Variants in VIT observed in about 807,000 individuals in gnomAD.
VIT encodes the protein vitrin.
VIT carries 99 observed loss-of-function variants against 78.0 expected under a neutral mutation model. The ratio of observed to expected loss-of-function variants is 1.27; its 90% CI spans 1.08 to 1.50. The LOEUF (loss-of-function observed/expected upper bound fraction) is 1.50. Among genes scored for constraint, VIT ranks in the 40% most tolerant of loss-of-function variants. VIT has a pLI of 0.00. For synonymous variants in VIT, 374 were observed against 334.3 expected (o/e 1.12, Z -1.29); for missense variants, 1,126 against 875.3 (o/e 1.29, Z -3.61).
At chr2:36,735,020 C>T (rs778523075) in intron 3 of VIT, among the ~76,000 whole-genome samples, 92 of 152,060 alleles carry the variant, frequency 6.1e-4, no homozygotes, top group Non-Finnish European at 7.8e-4. Flanking sequence ...AAAAATTTGC[C>T]GGGCGTGGTG....
intron 3 of VIT, among the ~76,000 whole-genome samples, chr2:36,739,864 T>C (rs891609892): frequency 2.6e-5 from 4 of 152,284 alleles, no homozygotes; most frequent in East Asian, 1.9e-4. Context: ...GTGTGGACTT[T>C]CCCTCACGGA....
Position 36,745,568 on chromosome 2 carries a change from G to C in VIT, c.275+2312G>C, listed in dbSNP as rs1668087179. Among the ~76,000 whole-genome samples the C allele has an allele frequency of 2.0e-5, 3 of 152,106 alleles. No individual in the cohort carries two copies. In the South Asian group the frequency reaches 6.2e-4, roughly 32 times the overall value. ...TATTCCAAAGCATTTTCTTCTTCTT[G>C]TGGCTACTGTAAATGGGATTGTGTT... On this transcript the variant is annotated intron_variant, in intron 4 of 15. Coordinates refer to ENST00000379242, the MANE Select transcript of VIT (RefSeq NM_053276.4).
intron 2 of VIT, among the ~76,000 whole-genome samples, chr2:36,719,169 A>C (rs2148457240): frequency 6.6e-6 from 1 of 152,316 alleles, no homozygotes; most frequent in Admixed American, 6.5e-5. Flanking sequence ...TCAAAGTAGA[A>C]AAAGGAGACT....
intron 11 of VIT, among the ~76,000 whole-genome samples, chr2:36,786,016 C>G (rs749881550): frequency 6.6e-6 from 1 of 152,200 alleles, no homozygotes; most frequent in African/African-American, 2.4e-5. Context: ...GACTCCAGCT[C>G]TGTGGCAACA....
chr2:36,774,900 A>G lies in VIT; in HGVS notation c.737-102A>G, dbSNP rs150924138. On this transcript the variant is annotated intron_variant, in intron 8 of 15. Coordinates refer to ENST00000379242, the MANE Select transcript of VIT (RefSeq NM_053276.4). ...GCACAGAGAGCTCGGCCGACTTCCA[A>G]GGAAAATCTGAACTAAGGTAATTTT... is the stretch of plus-strand genomic sequence containing the variant. 10,324 of 1,554,972 alleles carry G rather than the reference A, an allele frequency of 6.6e-3. 57 individuals are homozygous for G. The highest frequency in any genetic ancestry group is 7.8e-3 in the Non-Finnish European group (8,893 of 1,146,872).
chr2:36,724,928 T>G (rs545504416), intron 2 of VIT, among the ~76,000 whole-genome samples: 245 of 152,372 alleles, frequency 1.6e-3, no homozygotes, highest in Middle Eastern at 3.4e-3. Context: ...TATGTATGTA[T>G]TTAGTGCTTG....
At chr2:36,700,042 A>G (rs1199975733) in intron 1 of VIT, among the ~76,000 whole-genome samples, 2 of 152,164 alleles carry the variant, frequency 1.3e-5, no homozygotes, top group Non-Finnish European at 2.9e-5. Context: ...ATATGTGACT[A>G]TAATAAAGAA....
intron 9 of VIT, among the ~76,000 whole-genome samples, chr2:36,778,069 A>AC (rs1231101278): frequency 2.6e-5 from 4 of 151,740 alleles, no homozygotes; most frequent in South Asian, 4.2e-4. Context: ...AAATTCATGC[A>AC]CCCCCCATTT....
At chr2:36,810,939 G>A (rs1276537063) in intron 15 of VIT, among the ~76,000 whole-genome samples, 1 of 152,116 alleles carries the variant, frequency 6.6e-6, no homozygotes, top group Non-Finnish European at 1.5e-5. Context: ...TGGCTTCTGT[G>A]CCTACATTTA....
intron 2 of VIT, among the ~76,000 whole-genome samples, chr2:36,721,027 A>G (rs903530447): frequency 5.3e-5 from 8 of 151,792 alleles, no homozygotes; most frequent in Non-Finnish European, 1.2e-4. Context: ...AAAAAAAGGT[A>G]CAAACTTTCA....
chr2:36,774,036 GC>G (rs1320445115), intron 8 of VIT, among the ~76,000 whole-genome samples, 189 bp downstream of exon 8: 1 of 152,148 alleles, frequency 6.6e-6, no homozygotes, highest in African/African-American at 2.4e-5. Flanking sequence ...AGTAAGCAAA[GC>G]CCTGTCCCAC....
chr2:36,727,249 T>TA, intron 2 of VIT, among the ~76,000 whole-genome samples: 1 of 152,290 alleles, frequency 6.6e-6, no homozygotes, highest in East Asian at 1.9e-4. Context: ...AGGCTTTTTT[T>TA]ATGTTCCCTG....
intron 3 of VIT, 93 bp from the exon 4 acceptor site, chr2:36,743,007 A>C: frequency 5.3e-6 from 8 of 1,519,402 alleles, no homozygotes; most frequent in African/African-American, 1.4e-5. Flanking sequence ...TCTGGCTTTT[A>C]GAGATTAAGT....
intron 3 of VIT, among the ~76,000 whole-genome samples, chr2:36,730,475 C>A (rs139265058): frequency 6.6e-6 from 1 of 152,280 alleles, no homozygotes; most frequent in Non-Finnish European, 1.5e-5. Flanking sequence ...AAATGGCTGC[C>A]CCAGCTCCAT....
chr2:36,808,898 C>A lies in VIT; in HGVS notation c.1816C>A (p.Pro606Thr). ...ALEQLFKKSK[P>T]NKRKLMILIT... is the part of the protein sequence containing the mutation. ...GGAGCAGCTCTTCAAGAAGTCCAAG[C>A]CCAACAAGAGGAAGTTAATGATCCT... Residue 606 changes from proline (P) to threonine (T), a missense_variant, in exon 15 of 16, where the codon CCC becomes ACC. Pro to Thr is a conservative substitution (Grantham distance 38). Coordinates refer to ENST00000379242, the MANE Select transcript of VIT (RefSeq NM_053276.4). 1 of 1,614,112 alleles carries A rather than the reference C, an allele frequency of 6.2e-7. No individual in the cohort carries two copies. Among genetic ancestry groups the A allele is most frequent in the Non-Finnish European group, 8.5e-7 (1 of 1,180,010 alleles).
At chr2:36,757,284 C>T (rs1415942695) in intron 5 of VIT, among the ~76,000 whole-genome samples, 2 of 152,188 alleles carry the variant, frequency 1.3e-5, no homozygotes, top group Admixed American at 1.3e-4. Context: ...TTAACTAATT[C>T]ACTTTGGTGA....
In VIT at chr2:36,787,098, GA is replaced by G; in HGVS notation, c.911-30del. ...CCAGGTAAATGCAGTGAGAGATCAT[GA>G]GAATAATAGAGTCTTTTTCCGTTCC... On this transcript the variant is annotated intron_variant, in intron 11 of 15. Coordinates refer to ENST00000379242, the MANE Select transcript of VIT (RefSeq NM_053276.4). The G allele has an allele frequency of 2.5e-6, 4 of 1,612,500 alleles. No individual in the cohort carries two copies. The South Asian group carries it at 3.3e-5, about 13-fold the overall frequency.
chr2:36,755,427 A>ATTC (rs1455121998), intron 5 of VIT, among the ~76,000 whole-genome samples: 2 of 152,188 alleles, frequency 1.3e-5, no homozygotes, highest in Admixed American at 6.5e-5. Context: ...AAGTGGATAG[A>ATTC]TAGGTATTGT....
chr2:36,766,174 C>T (rs919465497), intron 6 of VIT, among the ~76,000 whole-genome samples: 12 of 152,164 alleles, frequency 7.9e-5, no homozygotes, highest in Admixed American at 2.0e-4. Flanking sequence ...CCAACTACAG[C>T]GGTGTTTAAA....
Sources: allele counts gnomAD v4.1 joint callset (sites outside exome capture counted in the v4.1 genomes callset), GRCh38; gene constraint gnomAD v4.1.1; transcripts MANE v1.5; gene names NCBI Gene and HGNC (gene_info 2026-07-23, HGNC 2026-07-21).